NTM: variants seen among roughly 807,000 people sequenced by gnomAD.
NTM encodes the protein neurotrimin, also known as IgLON family member 2.
In NTM, 13 loss-of-function variants were observed where a neutral mutation model predicts 42.1. That is an observed-to-expected ratio of 0.31 (90% CI 0.20 to 0.49). The LOEUF (loss-of-function observed/expected upper bound fraction) is 0.49. Among genes scored for constraint, NTM ranks in the 20% least tolerant of loss-of-function variants. NTM has a pLI of 0.99. For missense variants in NTM, 373 were observed against 452.8 expected (o/e 0.82, Z 1.60); for synonymous variants, 187 against 179.2 (o/e 1.04, Z -0.35).
At chr11:132,232,390 T>A (rs940394738) in intron 4 of NTM, among the ~76,000 whole-genome samples, 1 of 152,224 alleles carries the variant, frequency 6.6e-6, no homozygotes, top group Non-Finnish European at 1.5e-5. Flanking sequence ...CCGGGCACAC[T>A]GCTGGGACAG....
At chr11:131,513,135 A>C (rs547742145) in intron 1 of NTM, among the ~76,000 whole-genome samples, 1 of 152,176 alleles carries the variant, frequency 6.6e-6, no homozygotes, top group Non-Finnish European at 1.5e-5. Flanking sequence ...CACAACCTTC[A>C]CTGTGTGAAC....
chr11:132,017,079 C>G (rs1022293910), intron 2 of NTM, among the ~76,000 whole-genome samples: 1 of 151,774 alleles, frequency 6.6e-6, no homozygotes, highest in African/African-American at 2.4e-5. Context: ...TTTTCCCAGT[C>G]TCTGAGGGCT....
At chr11:131,628,846 G>A (rs1486688639) in intron 1 of NTM, among the ~76,000 whole-genome samples, 1 of 152,228 alleles carries the variant, frequency 6.6e-6, no homozygotes, top group Non-Finnish European at 1.5e-5. Flanking sequence ...TGCAGCTCTG[G>A]GGCAGAGGCA....
chr11:131,930,043 GT>G (rs1195642833), intron 2 of NTM, among the ~76,000 whole-genome samples: 3 of 152,102 alleles, frequency 2.0e-5, no homozygotes, highest in African/African-American at 7.2e-5. Context: ...GCCTTGCTCG[GT>G]GTTGGGGGTT....
intron 2 of NTM, among the ~76,000 whole-genome samples, chr11:132,117,041 A>C (rs987644235): frequency 2.0e-5 from 3 of 152,216 alleles, no homozygotes; most frequent in African/African-American, 7.2e-5. Flanking sequence ...GCAGACTCTC[A>C]TCAGCCCCCA....
At position 132,040,818 on chromosome 11, in the gene NTM, C is replaced by T. The variant is rs118155277; in HGVS notation, c.168-105464C>T. On this transcript the variant is annotated intron_variant, in intron 2 of 8. Coordinates refer to ENST00000683400, the MANE Select transcript of NTM (RefSeq NM_001352005.2). ...CAAGTCTTGAGGATTTTTATCTGTGCATGTTCTTTGATTTCAGATTAGGAT... is the reference window on the plus strand; with the variant it reads ...CAAGTCTTGAGGATTTTTATCTGTGTATGTTCTTTGATTTCAGATTAGGAT... Among the ~76,000 whole-genome samples, 239 of 152,284 alleles carry T rather than the reference C, an allele frequency of 1.6e-3. 4 individuals carry two copies. The South Asian group carries it at 0.028, about 18-fold the overall frequency.
At chr11:132,320,133 G>C (rs919735824) in intron 7 of NTM, among the ~76,000 whole-genome samples, 9 of 152,208 alleles carry the variant, frequency 5.9e-5, no homozygotes, top group African/African-American at 1.7e-4. Context: ...CATCATCAAA[G>C]ACCAAAGGTA....
chr11:131,463,592 C>T (rs1275326666), intron 1 of NTM, among the ~76,000 whole-genome samples: 1 of 152,206 alleles, frequency 6.6e-6, no homozygotes, highest in African/African-American at 2.4e-5. Context: ...CTATTACATA[C>T]TTATTAATAC....
chr11:132,006,323 T>C (rs753698371), intron 2 of NTM, among the ~76,000 whole-genome samples: 7 of 151,934 alleles, frequency 4.6e-5, no homozygotes. Context: ...TTGTTTGTGG[T>C]TTTTTTCCCT....
intron 2 of NTM, among the ~76,000 whole-genome samples, chr11:132,130,073 T>A (rs1336454985): frequency 2.0e-5 from 3 of 152,192 alleles, no homozygotes; most frequent in African/African-American, 4.8e-5. Context: ...AATTCCAGAG[T>A]CTGTTAGGAC....
chr11:131,921,398 C>G (rs2057207526), intron 2 of NTM, among the ~76,000 whole-genome samples: 1 of 152,102 alleles, frequency 6.6e-6, no homozygotes, highest in South Asian at 2.1e-4. Context: ...TGCCAGCAAG[C>G]AGCCAGGAAT....
intron 1 of NTM, among the ~76,000 whole-genome samples, chr11:131,379,100 T>G (rs1942330003): frequency 6.6e-6 from 1 of 152,218 alleles, no homozygotes; most frequent in Non-Finnish European, 1.5e-5. Flanking sequence ...CACACCCACC[T>G]GGCTCCCCAG....
intron 1 of NTM, among the ~76,000 whole-genome samples, chr11:131,820,760 T>C (rs913608033): frequency 3.3e-5 from 5 of 152,212 alleles, no homozygotes; most frequent in African/African-American, 7.2e-5. Flanking sequence ...GATCTGAAAG[T>C]TTCGTGACAT....
At chr11:131,988,638 G>T (rs1194458364) in intron 2 of NTM, among the ~76,000 whole-genome samples, 1 of 152,174 alleles carries the variant, frequency 6.6e-6, no homozygotes, top group Non-Finnish European at 1.5e-5. Flanking sequence ...CTGGGAAAAT[G>T]AACATTGCCA....
intron 1 of NTM, among the ~76,000 whole-genome samples, chr11:131,849,995 TAAG>T (rs2045355169): frequency 2.2e-5 from 3 of 135,530 alleles, no homozygotes; most frequent in Admixed American, 7.6e-5. Flanking sequence ...ATAATAATAA[TAAG>T]ACCTCAGATC....
At chr11:132,184,753 A>G (rs2078136327) in intron 3 of NTM, among the ~76,000 whole-genome samples, 1 of 152,238 alleles carries the variant, frequency 6.6e-6, no homozygotes, top group Non-Finnish European at 1.5e-5. Context: ...TTGATGAACA[A>G]TGAGCTACAC....
chr11:131,862,975 C>T (rs926672037), intron 1 of NTM, among the ~76,000 whole-genome samples: 2 of 152,200 alleles, frequency 1.3e-5, no homozygotes, highest in African/African-American at 4.8e-5. Flanking sequence ...CTGTCTAAAA[C>T]GAGGAAGCTG....
At chr11:131,712,429 A>T (rs1251494665) in intron 1 of NTM, among the ~76,000 whole-genome samples, 3 of 152,148 alleles carry the variant, frequency 2.0e-5, no homozygotes, top group Non-Finnish European at 2.9e-5. Context: ...ATGTGTATAC[A>T]TACACTAGAG....
At chr11:131,527,354 C>A (rs2050647957) in intron 1 of NTM, among the ~76,000 whole-genome samples, 1 of 152,316 alleles carries the variant, frequency 6.6e-6, no homozygotes, top group East Asian at 1.9e-4. Flanking sequence ...ATCTCTAGTT[C>A]TATAACCAAC....
Sources: gnomAD v4.1 joint callset for allele counts (sites outside exome capture counted in the v4.1 genomes callset) on GRCh38, gnomAD v4.1.1 for gene constraint, MANE v1.5 for transcripts, NCBI Gene and HGNC (gene_info 2026-07-23, HGNC 2026-07-21) for gene names.